Variants in NRK observed in about 807,000 individuals in gnomAD.
The protein encoded by NRK is nik-related protein kinase.
A neutral mutation model predicts 125.2 loss-of-function variants in NRK; 67 were observed. That is an observed-to-expected ratio of 0.54 (90% CI 0.44 to 0.66). NRK has a LOEUF of 0.66. NRK is among the 30% of genes least tolerant of loss of function. The probability of loss-of-function intolerance (pLI) is 0.00; values close to 1 mark genes in which losing one functional copy is unlikely to be tolerated. For synonymous variants in NRK, 458 were observed against 429.0 expected (o/e 1.07, Z -0.84); for missense variants, 1,224 against 1,192.9 (o/e 1.03, Z -0.38).
chrX:105,888,510 C>T, intron 5 of NRK, 91 bp downstream of exon 5: 1 of 783,882 alleles, frequency 1.3e-6, no homozygotes, highest in Non-Finnish European at 1.8e-6. Context: ...TGTGCATCTA[C>T]AGGAAAACTT....
chrX:105,889,947 G>T (rs952961501), intron 5 of NRK, among the ~76,000 whole-genome samples: 6 of 112,297 alleles, frequency 5.3e-5, no homozygotes, highest in Non-Finnish European at 3.8e-5. Context: ...GGTGATTAAC[G>T]TTTGGCTCCT....
rs1374541628 is a variant in NRK, at chrX:105,880,268, A to G, written c.180+13A>G. ...GAACGCTCGTAAGGTAATATTATAA[A>G]TTGCCTGTATTCTCTTCCCTTAGTG... On this transcript the variant is annotated intron_variant, in intron 3 of 28. Transcript: ENST00000243300. 1.1e-6 allele frequency: 1 copy of G among 911,995 alleles called. No homozygotes were observed. Among genetic ancestry groups the G allele is most frequent in the East Asian group, 3.7e-5 (1 of 27,215 alleles). 75.2% of individuals were successfully genotyped at this position (911,995 alleles called of 1,213,427 possible). A position where few individuals can be genotyped will look rare whatever the true frequency, so the allele number is the denominator to read the frequency against.
At chrX:105,948,750 G>T (rs1465952007) in intron 26 of NRK, 12 of 471,014 alleles carry the variant, frequency 2.5e-5, no homozygotes, top group Admixed American at 1.3e-4. Context: ...GCCTGAGTAC[G>T]CTGGGTTTGG....
At chrX:105,890,172 C>T (rs935429421) in intron 5 of NRK, among the ~76,000 whole-genome samples, 2 of 111,584 alleles carry the variant, frequency 1.8e-5, no homozygotes, top group African/African-American at 3.3e-5. Context: ...GGCAAAATTC[C>T]GCCAGTCTCT....
intron 2 of NRK, among the ~76,000 whole-genome samples, chrX:105,842,367 G>A (rs935001548): frequency 9.0e-6 from 1 of 111,447 alleles, no homozygotes; most frequent in Non-Finnish European, 1.9e-5. Flanking sequence ...AGAAGGTAGA[G>A]AAGTACTTAC....
chrX:105,879,983 G>A (rs2147706113), intron 2 of NRK, among the ~76,000 whole-genome samples: 1 of 110,729 alleles, frequency 9.0e-6, no homozygotes, highest in Non-Finnish European at 1.9e-5. Flanking sequence ...CATAACCTTC[G>A]TCGAGTGTTT....
At chrX:105,849,716 T>C (rs1416860037) in intron 2 of NRK, among the ~76,000 whole-genome samples, 1 of 112,057 alleles carries the variant, frequency 8.9e-6, no homozygotes, top group Non-Finnish European at 1.9e-5. Flanking sequence ...GGCCAGTCAA[T>C]TTTAAAGCTC....
At chrX:105,952,602 G>A (rs2040914755) in intron 27 of NRK, among the ~76,000 whole-genome samples, 1 of 111,725 alleles carries the variant, frequency 9.0e-6, no homozygotes, top group Admixed American at 9.6e-5. Context: ...TTTAATTTTT[G>A]AGAGTCAGGT....
At chrX:105,859,482 C>T (rs746759961) in intron 2 of NRK, among the ~76,000 whole-genome samples, 4 of 111,770 alleles carry the variant, frequency 3.6e-5, no homozygotes, top group Non-Finnish European at 7.5e-5. Context: ...ATGCCAATGA[C>T]TTGCCAAATT....
rs373798855 is a variant in NRK, at chrX:105,921,895, A to G, written c.2513-69A>G. ...GAAAAAAAACCAAGGGATTTAACTG[A>G]TACACTATACATATGAAGGCAATGG... On this transcript the variant is annotated intron_variant, in intron 16 of 28. Transcript: ENST00000243300. 1.2e-4 allele frequency: 57 copies of G among 479,653 alleles called. No homozygotes were observed. In the East Asian group the frequency reaches 1.2e-3, roughly 10 times the overall value. 39.5% of individuals were successfully genotyped at this position (479,653 alleles called of 1,213,427 possible).
chrX:105,913,010 A>G (rs2040321717), intron 14 of NRK, among the ~76,000 whole-genome samples: 1 of 112,242 alleles, frequency 8.9e-6, no homozygotes, highest in South Asian at 3.6e-4. Flanking sequence ...TAATGAAAAA[A>G]CTGTATTTTC....
chrX:105,935,110 A>G (rs1435026963), intron 20 of NRK, 60 bp from the exon 21 acceptor site: 8 of 948,352 alleles, frequency 8.4e-6, no homozygotes, highest in Non-Finnish European at 1.0e-5. Context: ...AAAATTCTGT[A>G]ACTCCATCAT....
At chrX:105,840,845 G>C (rs1030557098) in intron 2 of NRK, among the ~76,000 whole-genome samples, 2 of 103,074 alleles carry the variant, frequency 1.9e-5, no homozygotes, top group African/African-American at 4.1e-5. Flanking sequence ...GTATGTGTCT[G>C]TGTGTGTGTG....
At chrX:105,859,738 A>G (rs767814173) in intron 2 of NRK, among the ~76,000 whole-genome samples, 1 of 111,846 alleles carries the variant, frequency 8.9e-6, no homozygotes, top group East Asian at 2.8e-4. Flanking sequence ...GTGTTCACTT[A>G]ATAGCCACAC....
chrX:105,890,971 A>G (rs1027331555), intron 5 of NRK, among the ~76,000 whole-genome samples: 1 of 112,073 alleles, frequency 8.9e-6, no homozygotes, highest in African/African-American at 3.2e-5. Flanking sequence ...AATAGTCAAC[A>G]TAAATATTTT....
At position 105,851,821 on chromosome X, in the gene NRK, GC is replaced by G. The variant is rs773410962; in HGVS notation, c.123+20704del. On this transcript the variant is annotated intron_variant, in intron 2 of 28. Transcript: ENST00000243300. ...TATCCAATTGCCCTTGATGAAGGGA[GC>G]CTGCTTTTCTCTCTTACAGGATCAA... is the stretch of plus-strand genomic sequence containing the variant. Among the ~76,000 whole-genome samples the G allele has an allele frequency of 2.7e-5, 3 of 111,146 alleles. No homozygotes were observed. The South Asian group carries it at 1.2e-3, about 43-fold the overall frequency.
chrX:105,822,908 T>C lies in NRK; in HGVS notation c.57+6T>C. On this transcript the variant is annotated splice_donor_region_variant and intron_variant, in intron 1 of 28. Transcript: ENST00000243300. ...CGGATCTGGGCCACCTGCCGGTGAG[T>C]AGAGGACGCCCGTCGCCCCCCGAAA... 1 of 1,157,799 alleles carries C rather than the reference T, an allele frequency of 8.6e-7. No homozygotes were observed. Among genetic ancestry groups the C allele is most frequent in the Non-Finnish European group, 1.2e-6 (1 of 864,993 alleles).
chrX:105,869,186 C>T (rs746485412), intron 2 of NRK, among the ~76,000 whole-genome samples: 1 of 110,977 alleles, frequency 9.0e-6, no homozygotes, highest in African/African-American at 3.3e-5. Context: ...CCATAAAGGT[C>T]AATTCAAGGC....
In NRK at chrX:105,906,394, C is replaced by T. The variant is rs1355325329; in HGVS notation, c.846-20C>T. On this transcript the variant is annotated intron_variant, in intron 10 of 28. Coordinates refer to ENST00000243300, the MANE Select transcript of NRK (RefSeq NM_198465.4). ...AGGACTGAGAACACTTTTTTTTCCT[C>T]TCTTTGACTCATTTTTTAGGTCCCG... 21 of 1,070,615 alleles carry T rather than the reference C, an allele frequency of 2.0e-5. No individual in the cohort carries two copies. The Admixed American group carries it at 2.4e-4, about 12-fold the overall frequency. The allele number at this position is 1,070,615 out of a possible 1,213,427, so 88.2% of individuals were successfully genotyped here.
Sources: allele counts gnomAD v4.1 joint callset (sites outside exome capture counted in the v4.1 genomes callset), GRCh38; gene constraint gnomAD v4.1.1; transcripts MANE v1.5; gene names NCBI Gene and HGNC (gene_info 2026-07-23, HGNC 2026-07-21).